MAP9: variants seen among roughly 807,000 people sequenced by gnomAD.
MAP9 encodes the protein microtubule associated protein 9, also known as microtubule-associated protein 9.
Under a neutral mutation model 75.2 loss-of-function variants are expected in MAP9, and 80 were observed. The ratio of observed to expected loss-of-function variants is 1.06; its 90% CI spans 0.89 to 1.28. The LOEUF is 1.28. Among genes scored for constraint, MAP9 ranks in the 50% most tolerant of loss-of-function variants. MAP9 has a pLI of 0.00. For missense variants in MAP9, 753 were observed against 719.9 expected (o/e 1.05, Z -0.53); for synonymous variants, 235 against 237.3 (o/e 0.99, Z 0.09).
At chr4:155,356,174 G>A (rs1231479744) in intron 8 of MAP9, among the ~76,000 whole-genome samples, 1 of 152,106 alleles carries the variant, frequency 6.6e-6, no homozygotes, top group Admixed American at 6.5e-5. Flanking sequence ...GGCTGAGGTG[G>A]GAGGATAGCT....
rs555982113 is a variant in MAP9 at position 155,346,085 on chromosome 4, T to C, written c.*1698A>G. ...CTATGAAATTTCTCTTAATTGTCTA[T>C]AGCACTGATACAATCTTACAAAGCT... On this transcript the variant is annotated 3_prime_UTR_variant, in exon 14 of 14. Transcript: ENST00000311277. 3 of 152,318 alleles carry C rather than the reference T, an allele frequency of 2.0e-5. No individual in the cohort carries two copies. The highest frequency in any genetic ancestry group is 4.8e-5 in the African/African-American group (2 of 41,588). 9.4% of individuals were successfully genotyped at this position (152,318 alleles called of 1,614,324 possible).
chr4:155,352,480 C>T, intron 13 of MAP9, 116 bp downstream of exon 13: 1 of 1,012,308 alleles, frequency 9.9e-7, no homozygotes, highest in Non-Finnish European at 1.4e-6. Context: ...TTCAACAAAG[C>T]AGATTCCAGG....
chr4:155,362,223 A>G, intron 5 of MAP9, 82 bp from the exon 6 acceptor site: 2 of 862,178 alleles, frequency 2.3e-6, no homozygotes, highest in South Asian at 3.6e-5. Flanking sequence ...TTAAAACTAC[A>G]AATTGAAATA....
chr4:155,354,628 T>A (rs1484339347), intron 10 of MAP9, among the ~76,000 whole-genome samples: 2 of 152,080 alleles, frequency 1.3e-5, no homozygotes, highest in East Asian at 3.9e-4. Flanking sequence ...CATCCCTGGC[T>A]AATTTTTGTA....
At chr4:155,371,462 C>T (rs1184738584) in intron 4 of MAP9, among the ~76,000 whole-genome samples, 1 of 151,720 alleles carries the variant, frequency 6.6e-6, no homozygotes, top group Non-Finnish European at 1.5e-5. Flanking sequence ...CTGAGAATGA[C>T]AACTTTAATA....
Position 155,343,257 on chromosome 4 carries a change from G to A in MAP9, c.*4526C>T, listed in dbSNP as rs1441444782. 7.1e-6 allele frequency: 1 copy of A among 140,718 alleles called. No individual in the cohort carries two copies. Among genetic ancestry groups the A allele is most frequent in the African/African-American group, 2.5e-5 (1 of 39,756 alleles). The allele number at this position is 140,718 out of a possible 1,614,324, so 8.7% of individuals were successfully genotyped here. On this transcript the variant is annotated 3_prime_UTR_variant, in exon 14 of 14. Transcript: ENST00000311277. ...TTGTATATACACACAGATAGCACAG[G>A]AGAGAGACAGAGTGGGAGAGAGAAA...
chr4:155,362,302 G>C, intron 5 of MAP9, 161 bp from the exon 6 acceptor site: 3 of 521,110 alleles, frequency 5.8e-6, no homozygotes, highest in East Asian at 6.7e-5. Flanking sequence ...CAAGCCAATG[G>C]AGGTAAGCAT....
intron 8 of MAP9, among the ~76,000 whole-genome samples, chr4:155,356,232 A>T (rs1731780613): frequency 6.6e-6 from 1 of 152,076 alleles, no homozygotes; most frequent in Non-Finnish European, 1.5e-5. Flanking sequence ...ATGCCACTGA[A>T]CTCCAGCCTG....
chr4:155,369,205 C>T (rs980788215), intron 4 of MAP9, among the ~76,000 whole-genome samples: 1 of 151,852 alleles, frequency 6.6e-6, no homozygotes, highest in Non-Finnish European at 1.5e-5. Context: ...TGCCTGTAAT[C>T]CCAGCTACTC....
intron 5 of MAP9, among the ~76,000 whole-genome samples, chr4:155,366,176 C>T (rs989787349): frequency 4.3e-4 from 65 of 151,872 alleles, no homozygotes; most frequent in African/African-American, 1.4e-3. Flanking sequence ...CTGGCTAACG[C>T]GGTGAAACCC....
intron 5 of MAP9, chr4:155,362,989 CAAGT>C (rs984305285): frequency 2.3e-4 from 35 of 152,236 alleles, no homozygotes; most frequent in Admixed American, 2.1e-3. Context: ...CTATGCAGCT[CAAGT>C]AATAGAAGGC....
intron 11 of MAP9, 53 bp downstream of exon 11, chr4:155,353,126 A>G: frequency 4.5e-6 from 7 of 1,540,444 alleles, no homozygotes; most frequent in Non-Finnish European, 5.2e-6. Context: ...GTTAATCATT[A>G]ATTTGGATTT....
chr4:155,373,084 A>G (rs1732673818), intron 4 of MAP9, 52 bp downstream of exon 4: 1 of 1,284,172 alleles, frequency 7.8e-7, no homozygotes, highest in Non-Finnish European at 1.0e-6. Context: ...GGGACTGATT[A>G]TCTTAAAATA....
chr4:155,347,915 A>AAAT lies in MAP9; in HGVS notation c.1822-13_1822-11dup. The AAAT allele has an allele frequency of 7.0e-7, 1 of 1,427,962 alleles. No homozygotes were observed. Among genetic ancestry groups the AAAT allele is most frequent in the South Asian group, 1.2e-5 (1 of 80,538 alleles). 88.5% of individuals were successfully genotyped at this position (1,427,962 alleles called of 1,614,324 possible). On this transcript the variant is annotated splice_polypyrimidine_tract_variant and intron_variant, in intron 13 of 13. Transcript: ENST00000311277. ...GTTTTTCCTTATTTTCCTAAAGAGA[A>AAAT]AATAGAACACTATAAATTTATGTAC...
intron 5 of MAP9, among the ~76,000 whole-genome samples, chr4:155,363,761 G>A (rs150319940): frequency 7.2e-5 from 11 of 151,844 alleles, no homozygotes; most frequent in African/African-American, 2.2e-4. Context: ...TACATTCTCC[G>A]GACCACAATC....
chr4:155,348,128 G>C (rs901846928), intron 13 of MAP9, among the ~76,000 whole-genome samples: 62 of 152,244 alleles, frequency 4.1e-4, no homozygotes, highest in African/African-American at 1.3e-3. Flanking sequence ...TTGAGCCTGG[G>C]AGTTCGAGAC....
Position 155,373,286 on chromosome 4 carries a change from T to TGATG in MAP9, c.327_330dup (p.Lys111HisfsTer4). The TGATG allele has an allele frequency of 6.2e-7, 1 of 1,613,976 alleles. No homozygotes were observed. Among genetic ancestry groups the TGATG allele is most frequent in the Non-Finnish European group, 8.5e-7 (1 of 1,179,964 alleles). On this transcript the variant is annotated frameshift_variant, in exon 4 of 14. Coordinates refer to ENST00000311277, the MANE Select transcript of MAP9 (RefSeq NM_001039580.2). LOFTEE classifies it high-confidence loss of function. ...TCAGGTGCCATTTCCTCTTCATTTT[T>TGATG]GATGGCACACACTGGCTCATCTTTG...
intron 6 of MAP9, 173 bp from the exon 7 acceptor site, chr4:155,360,588 CA>C (rs3839153): frequency 0.28 from 156,339 of 561,550 alleles, 26,404 homozygotes; most frequent in East Asian, 0.59. Context: ...AAGTGATTTA[CA>C]AAAAAAAATA....
intron 12 of MAP9, 25 bp from the exon 13 acceptor site, chr4:155,352,753 G>A (rs779945243): frequency 1.9e-5 from 29 of 1,511,930 alleles, no homozygotes; most frequent in Admixed American, 8.6e-5. Flanking sequence ...ATAAAACACT[G>A]GAGAGTTAAA....
Sources: gnomAD v4.1 joint callset for allele counts (sites outside exome capture counted in the v4.1 genomes callset) on GRCh38, gnomAD v4.1.1 for gene constraint, MANE v1.5 for transcripts, NCBI Gene and HGNC (gene_info 2026-07-23, HGNC 2026-07-21) for gene names.